The following TTC14 variants were observed in gnomAD, a reference collection of about 807,000 sequenced individuals.
The protein encoded by TTC14 is tetratricopeptide repeat domain 14, also known as tetratricopeptide repeat protein 14.
Under a neutral mutation model 79.9 loss-of-function variants are expected in TTC14, and 63 were observed. The observed-to-expected ratio is 0.79, with a 90% confidence interval of 0.64 to 0.97. TTC14 has a LOEUF of 0.97. TTC14 is among the 50% of genes least tolerant of loss of function. The probability of loss-of-function intolerance (pLI) is 0.00; values close to 1 mark genes in which losing one functional copy is unlikely to be tolerated. For missense variants in TTC14, 895 were observed against 894.0 expected, an observed-to-expected ratio of 1.00 and a Z score of -0.01; for synonymous variants, 335 against 309.6, an observed-to-expected ratio of 1.08 and a Z score of -0.86.
At chr3:180,605,942 G>A (rs979110882) in intron 7 of TTC14, 105 bp downstream of exon 7, 1 of 1,158,910 alleles carries the variant, frequency 8.6e-7, no homozygotes, top group Non-Finnish European at 1.2e-6. Flanking sequence ...ATGCATTAAA[G>A]TGATGCCTTT....
rs764442202 is a variant in TTC14 at position 180,609,902 on chromosome 3, T to C, written c.1673T>C (p.Leu558Pro). 5 of 1,613,852 alleles carry C rather than the reference T, an allele frequency of 3.1e-6. No homozygotes were observed. The Admixed American group carries it at 5.0e-5, about 16-fold the overall frequency. ...CATAAACAAGAAGTGGAGAAACTACTGGGGAAGCAGGATAGGTTACAGTAT... is the reference window on the plus strand; with the variant it reads ...CATAAACAAGAAGTGGAGAAACTACCGGGGAAGCAGGATAGGTTACAGTAT... ...LNHKQEVEKL[L>P]GKQDRLQYEK... The change falls in exon 12 of 12, where the codon CTG (leucine) becomes CCG (proline). Residue 558 changes from leucine to proline, a missense_variant. Transcript: ENST00000296015.
intron 6 of TTC14, chr3:180,605,261 T>C (rs1230334745): frequency 1.5e-5 from 5 of 326,716 alleles, no homozygotes; most frequent in Non-Finnish European, 2.2e-5. Flanking sequence ...TAAAGAAAAA[T>C]ACTGGGTTTT....
rs1440336136 is a variant in TTC14 at position 180,604,259 on chromosome 3, G to A, written c.521G>A (p.Ser174Asn). The A allele has an allele frequency of 2.1e-5, 34 of 1,613,452 alleles. No individual in the cohort carries two copies. Among genetic ancestry groups the A allele is most frequent in the Non-Finnish European group, 2.8e-5 (33 of 1,179,774 alleles). The change falls in exon 4 of 12, where the codon AGT becomes AAT. Residue 174 changes from serine (S) to asparagine (N), a missense_variant. Physicochemically the swap from Ser to Asn is conservative, Grantham distance 46. Transcript: ENST00000296015. ...CCCTTAAGAGATGTGCCTTCTCACA[G>A]TAACCATGGGGATCCTTTATCATAT... is the stretch of plus-strand genomic sequence containing the variant. ...LCPLRDVPSH[S>N]NHGDPLSYYQ...
intron 12 of TTC14, chr3:180,616,914 T>C: frequency 6.5e-7 from 1 of 1,546,334 alleles, no homozygotes; most frequent in Non-Finnish European, 8.9e-7. Context: ...TGATAACTTT[T>C]CTTTAACATT....
At chr3:180,616,564 T>C in intron 12 of TTC14, 1 of 1,599,344 alleles carries the variant, frequency 6.3e-7, no homozygotes, top group Non-Finnish European at 8.5e-7. Flanking sequence ...TATTTTCTTC[T>C]ATGATATCAA....
In TTC14 at chr3:180,602,191, C is replaced by G; in HGVS notation, c.-71C>G. On this transcript the variant is annotated 5_prime_UTR_variant, in exon 1 of 12. Coordinates refer to ENST00000296015, the MANE Select transcript of TTC14 (RefSeq NM_133462.4). ...CAGTTTCTTCCGCTTCCTGTACCAC[C>G]CGGCTCAAGTAGCGGACACGGAACA... 3.2e-6 allele frequency: 5 copies of G among 1,571,650 alleles called. No homozygotes were observed. Among genetic ancestry groups the G allele is most frequent in the Non-Finnish European group, 4.3e-6 (5 of 1,157,164 alleles).
rs753826573 is a variant in TTC14, at chr3:180,616,498, TAGA to T, written c.1775-879_1775-877del. On this transcript the variant is annotated intron_variant, in intron 12 of 12. Coordinates refer to the TTC14 transcript ENST00000382584. ...CATGAAGTTTTTAAGAAATATTTAA[TAGA>T]AGGTGCTGTATTACCTGTTGAAAGT... The T allele has an allele frequency of 3.2e-5, 48 of 1,515,126 alleles. No individual in the cohort carries two copies. The highest frequency in any genetic ancestry group is 4.2e-5 in the Non-Finnish European group (48 of 1,131,708). The allele number at this position is 1,515,126 out of a possible 1,614,324, so 93.9% of individuals were successfully genotyped here.
At chr3:180,606,633 G>A in intron 9 of TTC14, 30 bp downstream of exon 9, 2 of 1,575,888 alleles carry the variant, frequency 1.3e-6, no homozygotes, top group South Asian at 2.4e-5. Context: ...TAATAGTGGA[G>A]GTCTAATGTT....
exon 13 of TTC14, chr3:180,617,419 C>A: frequency 1.5e-6 from 1 of 669,182 alleles, no homozygotes; most frequent in Non-Finnish European, 2.7e-6. Context: ...ATAAAACAGC[C>A]TCAGGCAGGT....
rs1392931233 is a variant in TTC14, at chr3:180,609,655, A to C, written c.1426A>C (p.Thr476Pro). 1 of 1,568,686 alleles carries C rather than the reference A, an allele frequency of 6.4e-7. No individual in the cohort carries two copies. The highest frequency in any genetic ancestry group is 2.1e-5 in the Admixed American group (1 of 48,366). Residue 476 changes from threonine (T) to proline (P), a missense_variant, in exon 12 of 12, where the codon ACT becomes CCT. Physicochemically the swap from Thr to Pro is conservative, Grantham distance 38. Coordinates refer to ENST00000296015, the MANE Select transcript of TTC14 (RefSeq NM_133462.4). ...GCTAAAGAAGAAAAGAAGAAAATCA[A>C]CTTCTTCTTCAAGTGTTTCTTCTGC... ...KRLKKKRRKS[T>P]SSSSVSSADE...
chr3:180,604,464 T>C lies in TTC14; in HGVS notation c.572-14T>C. On this transcript the variant is annotated splice_polypyrimidine_tract_variant and intron_variant, in intron 4 of 11. Transcript: ENST00000296015. ...CTTACTAATCAGCTTAGTTCTCTTT[T>C]TTTTTTTCTTAAGCTGGAATCAAGG... The C allele has an allele frequency of 4.4e-6, 7 of 1,577,020 alleles. No homozygotes were observed. The highest frequency in any genetic ancestry group is 6.0e-6 in the Non-Finnish European group (7 of 1,169,656).
Position 180,606,288 on chromosome 3 carries a change from G to A in TTC14, c.965G>A (p.Arg322His), listed in dbSNP as rs751564746. Residue 322 changes from arginine to histidine, a missense_variant, in exon 8 of 12, where the codon CGC becomes CAC. Transcript: ENST00000296015. ...KIGVDYFKVGRHVDAMNEYNK... is the reference protein window; with the variant it reads ...KIGVDYFKVGHHVDAMNEYNK... ...GGAGTTGACTATTTTAAAGTTGGAC[G>A]CCATGTGGATGCTATGAATGAATAC... The A allele has an allele frequency of 5.0e-6, 8 of 1,613,894 alleles. No individual in the cohort carries two copies. Among genetic ancestry groups the A allele is most frequent in the Non-Finnish European group, 6.8e-6 (8 of 1,179,976 alleles).
chr3:180,610,181 T>C lies in TTC14; in HGVS notation c.1952T>C (p.Ile651Thr). ...IYGYRRFEKD[I>T]EGRKEHYRRW... Reference sequence around the variant, plus strand: ...GGTTATAGGAGATTTGAAAAGGATATAGAGGGAAGAAAAGAGCACTATAGA... The same window carrying C: ...GGTTATAGGAGATTTGAAAAGGATACAGAGGGAAGAAAAGAGCACTATAGA... Residue 651 changes from isoleucine to threonine, a missense_variant, in exon 12 of 12, where the codon ATA (isoleucine) becomes ACA (threonine). Transcript: ENST00000296015. 6.2e-7 allele frequency: 1 copy of C among 1,613,660 alleles called. No individual in the cohort carries two copies. Among genetic ancestry groups the C allele is most frequent in the East Asian group, 2.2e-5 (1 of 44,858 alleles).
intron 3 of TTC14, 193 bp from the exon 4 acceptor site, chr3:180,604,032 T>C (rs530427198): frequency 3.7e-5 from 22 of 594,950 alleles, no homozygotes; most frequent in Non-Finnish European, 6.2e-5. Flanking sequence ...AGATTTTAGT[T>C]TTTTAACTGA....
At position 180,605,997 on chromosome 3, in the gene TTC14, T is replaced by G. The variant is rs182421494; in HGVS notation, c.929+160T>G. 47 of 852,132 alleles carry G rather than the reference T, an allele frequency of 5.5e-5. No individual in the cohort carries two copies. The African/African-American group carries it at 6.4e-4, about 12-fold the overall frequency. 52.8% of individuals were successfully genotyped at this position (852,132 alleles called of 1,614,324 possible). A position where few individuals can be genotyped will look rare whatever the true frequency, so the allele number is the denominator to read the frequency against. On this transcript the variant is annotated intron_variant, in intron 7 of 11. Transcript: ENST00000296015. ...TATAGATGTAAGTAGTCTTACATTT[T>G]ACACTTAACAGATAAGTTTTACTCA...
rs992252985 is a variant in TTC14 at position 180,604,890 on chromosome 3, A to G, written c.740A>G (p.Tyr247Cys). Residue 247 changes from tyrosine (Y) to cysteine (C), a missense_variant, in exon 6 of 12, where the codon TAT (tyrosine) becomes TGT (cysteine). Transcript: ENST00000296015. Reference protein sequence around the residue: ...VELNSNSLESYENVMQSSLGF... With the variant: ...VELNSNSLESCENVMQSSLGF... The stretch of plus-strand genomic sequence containing the variant: ...CTAAATAGCAATTCTTTGGAGTCCT[A>G]TGAAAATGTCATGCAGAGTTCCTTG... 15 of 1,613,732 alleles carry G rather than the reference A, an allele frequency of 9.3e-6. No homozygotes were observed. The highest frequency in any genetic ancestry group is 2.2e-5 in the South Asian group (2 of 91,070).
intron 10 of TTC14, chr3:180,608,104 G>A (rs1189031366): frequency 2.9e-6 from 3 of 1,032,948 alleles, no homozygotes; most frequent in Non-Finnish European, 3.5e-6. Flanking sequence ...ATTTTAAATT[G>A]TCTTTTCCTG....
At position 180,602,434 on chromosome 3, in the gene TTC14, T is replaced by C. The variant is rs1716413241; in HGVS notation, c.161+12T>C. Reference sequence around the variant, plus strand: ...CCGTTGCAGGGCAGGTAATGAGACGTTGGTGCCACTGCGCCACGGAAGAGG... The same window carrying C: ...CCGTTGCAGGGCAGGTAATGAGACGCTGGTGCCACTGCGCCACGGAAGAGG... On this transcript the variant is annotated intron_variant, in intron 1 of 11. Coordinates refer to ENST00000296015, the MANE Select transcript of TTC14 (RefSeq NM_133462.4). 2 of 1,593,046 alleles carry C rather than the reference T, an allele frequency of 1.3e-6. No individual in the cohort carries two copies. The highest frequency in any genetic ancestry group is 8.5e-7 in the Non-Finnish European group (1 of 1,174,976).
Position 180,610,985 on chromosome 3 carries a change from T to G in TTC14, c.*443T>G. Reference sequence around the variant, plus strand: ...CGTCAGCTTTTGAAAGATTATATGTTCGAATGTTTCTTGAACACTTTTATA... The same window carrying G: ...CGTCAGCTTTTGAAAGATTATATGTGCGAATGTTTCTTGAACACTTTTATA... On this transcript the variant is annotated 3_prime_UTR_variant, in exon 12 of 12. Transcript: ENST00000296015. 1 of 946,480 alleles carries G rather than the reference T, an allele frequency of 1.1e-6. No individual in the cohort carries two copies. Among genetic ancestry groups the G allele is most frequent in the African/African-American group, 1.8e-5 (1 of 56,428 alleles). 58.6% of individuals were successfully genotyped at this position (946,480 alleles called of 1,614,324 possible).
Sources: allele counts gnomAD v4.1 joint callset, GRCh38; gene constraint gnomAD v4.1.1; transcripts MANE v1.5; gene names NCBI Gene and HGNC (gene_info 2026-07-23, HGNC 2026-07-21).